ACAN: variants seen among roughly 807,000 people sequenced by gnomAD.
ACAN encodes aggrecan core protein.
In ACAN, 47 loss-of-function variants were observed where a neutral mutation model predicts 169.1. The observed-to-expected ratio is 0.28, with a 90% CI of 0.22 to 0.35. The LOEUF is 0.35. ACAN is among the 10% of genes least tolerant of loss of function. ACAN has a pLI of 1.00. For synonymous variants in ACAN, 1,115 were observed against 1,112.2 expected, an observed-to-expected ratio of 1.00 and a Z score of -0.05; for missense variants, 2,716 against 2,759.9, an observed-to-expected ratio of 0.98 and a Z score of 0.36.
chr15:88,822,910 T>C (rs925294196), intron 1 of ACAN, among the ~76,000 whole-genome samples: 1 of 152,208 alleles, frequency 6.6e-6, no homozygotes, highest in African/African-American at 2.4e-5. Flanking sequence ...ACTGAAAGGA[T>C]TGGACTAGTC....
At chr15:88,844,661 C>G (rs754219831) in intron 6 of ACAN, among the ~76,000 whole-genome samples, 3 of 152,160 alleles carry the variant, frequency 2.0e-5, no homozygotes, top group Non-Finnish European at 4.4e-5. Flanking sequence ...GCGTGAGCCA[C>G]CACGCCCGGC....
At chr15:88,806,993 A>G (rs1895699079) in intron 1 of ACAN, among the ~76,000 whole-genome samples, 1 of 152,190 alleles carries the variant, frequency 6.6e-6, no homozygotes, top group Non-Finnish European at 1.5e-5. Flanking sequence ...ATAAATGTAT[A>G]TATGCAAATA....
At chr15:88,841,207 C>G (rs1441693261) in intron 4 of ACAN, among the ~76,000 whole-genome samples, 1 of 152,226 alleles carries the variant, frequency 6.6e-6, no homozygotes, top group African/African-American at 2.4e-5. Context: ...TGACTGTGGA[C>G]AAATGATTTA....
Position 88,848,104 on chromosome 15 carries a change from C to G in ACAN, c.1732+66C>G. The stretch of plus-strand genomic sequence containing the variant: ...GGGGGTGGGCAGGGAGCTGACAGGG[C>G]GATACAAAGAAGAGAGGGGGTTACC... On this transcript the variant is annotated intron_variant, in intron 9 of 18. Transcript: ENST00000560601. 2.5e-6 allele frequency: 4 copies of G among 1,581,664 alleles called. No homozygotes were observed. In the South Asian group the frequency reaches 3.4e-5, roughly 14 times the overall value.
intron 1 of ACAN, among the ~76,000 whole-genome samples, chr15:88,832,676 A>T (rs1896394314): frequency 6.6e-6 from 1 of 152,152 alleles, no homozygotes; most frequent in Non-Finnish European, 1.5e-5. Context: ...CTATTTTCCA[A>T]ATATTTGGTA....
At chr15:88,860,919 A>G (rs1030114830) in intron 13 of ACAN, among the ~76,000 whole-genome samples, 1 of 152,122 alleles carries the variant, frequency 6.6e-6, no homozygotes, top group African/African-American at 2.4e-5. Context: ...GAAATGACAC[A>G]AACAACGGTA....
In ACAN at chr15:88,858,786, T is replaced by G. The variant is rs1179034898; in HGVS notation, c.6201T>G (p.Phe2067Leu). Residue 2067 changes from phenylalanine to leucine, a missense_variant, in exon 12 of 19, where the codon TTT becomes TTG. Physicochemically the swap from Phe to Leu is conservative, Grantham distance 22 (BLOSUM62 0). Around this residue, in one of 3 missense-constraint regions of ACAN, gnomAD observed 1,389 missense variants for 1,363.7 expected, o/e 1.02. Coordinates refer to ENST00000560601, the MANE Select transcript of ACAN (RefSeq NM_001369268.1). The surrounding 1 kb of genome is among the most constrained non-coding windows in gnomAD (Gnocchi z 4.0). ...RPPVTHTPQL[F>L]ESSGKVSTAG... is the part of the protein sequence containing the mutation. Reference sequence around the variant, plus strand: ...CTGTGACACACACACCCCAGCTTTTTGAGTCCAGTGGAAAAGTCTCCACAG... The same window carrying G: ...CTGTGACACACACACCCCAGCTTTTGGAGTCCAGTGGAAAAGTCTCCACAG... 1 of 1,613,790 alleles carries G rather than the reference T, an allele frequency of 6.2e-7. No homozygotes were observed. The highest frequency in any genetic ancestry group is 8.5e-7 in the Non-Finnish European group (1 of 1,179,876).
At chr15:88,815,030 G>GA (rs11300352) in intron 1 of ACAN, among the ~76,000 whole-genome samples, 472 of 120,054 alleles carry the variant, frequency 3.9e-3, no homozygotes, top group Middle Eastern at 4.0e-3. Flanking sequence ...GTGGACCCCA[G>GA]AAAAAAAAAA....
At position 88,849,554 on chromosome 15, in the gene ACAN, C is replaced by T. The variant is rs776144534; in HGVS notation, c.1849C>T (p.Arg617Cys). 16 of 1,605,796 alleles carry T rather than the reference C, an allele frequency of 1.0e-5. No homozygotes were observed. The highest frequency in any genetic ancestry group is 1.3e-5 in the African/African-American group (1 of 74,766). ...GGGCCAGCTCTACGCCGCCTGGAGC[C>T]GCGGCCTGGACAAGTGCTATGCCGG... is the stretch of plus-strand genomic sequence containing the variant. The part of the protein sequence containing the change: ...TTGQLYAAWS[R>C]GLDKCYAGWL... Residue 617 changes from arginine to cysteine, a missense_variant, in exon 10 of 19, where the codon CGC becomes TGC. Coordinates refer to ENST00000560601, the MANE Select transcript of ACAN (RefSeq NM_001369268.1). This position sits in a 1 kb window ranked among gnomAD's most constrained non-coding sequence, Gnocchi z 5.1.
chr15:88,841,861 A>T lies in ACAN; in HGVS notation c.751A>T (p.Met251Leu). 6.2e-7 allele frequency: 1 copy of T among 1,611,260 alleles called. No homozygotes were observed. The highest frequency in any genetic ancestry group is 1.1e-5 in the South Asian group (1 of 90,844). Residue 251 changes from methionine (M) to leucine (L), a missense_variant, in exon 5 of 19, where the codon ATG becomes TTG. Around this residue, in one of 3 missense-constraint regions of ACAN, gnomAD observed 1,283 missense variants for 1,281.5 expected, o/e 1.00. Transcript: ENST00000560601. Reference sequence around the variant, plus strand: ...TGATGTGTACTGCTTCGCCGAGGAGATGGAGGGTGAGCTGCCCTGCCCACC... The same window carrying T: ...TGATGTGTACTGCTTCGCCGAGGAGTTGGAGGGTGAGCTGCCCTGCCCACC... ...TYDVYCFAEE[M>L]EGEVFYATSP... is the part of the protein sequence containing the mutation.
chr15:88,817,300 C>A (rs1567165333), intron 1 of ACAN, among the ~76,000 whole-genome samples: 1 of 152,120 alleles, frequency 6.6e-6, no homozygotes, highest in East Asian at 1.9e-4. Context: ...TGCCACCACG[C>A]CCGACTAATT....
rs1896835757 is a variant in ACAN, at chr15:88,847,939, T to A, written c.1633T>A (p.Cys545Ser). The change falls in exon 9 of 19, where the codon TGC (cysteine) becomes AGC (serine). Residue 545 changes from cysteine (C) to serine (S), a missense_variant. Cys to Ser is a moderately radical substitution (Grantham distance 112). Transcript: ENST00000560601. Reference sequence around the variant, plus strand: ...CCCCATTGTGAGCCCCCGGACCCCATGCGTGGGTGACAAGGACAGCAGCCC... The same window carrying A: ...CCCCATTGTGAGCCCCCGGACCCCAAGCGTGGGTGACAAGGACAGCAGCCC... ...RYPIVSPRTP[C>S]VGDKDSSPGV... 1 of 1,613,696 alleles carries A rather than the reference T, an allele frequency of 6.2e-7. No individual in the cohort carries two copies. Among genetic ancestry groups the A allele is most frequent in the African/African-American group, 1.3e-5 (1 of 74,888 alleles).
intron 13 of ACAN, among the ~76,000 whole-genome samples, chr15:88,862,997 CAAAAAAAAAAAA>C (rs57598410): frequency 1.4e-5 from 1 of 73,808 alleles, no homozygotes; most frequent in African/African-American, 4.5e-5. Context: ...CACTCGGTCT[CAAAAAAAAAAAA>C]AAAAAAAAGA....
intron 11 of ACAN, among the ~76,000 whole-genome samples, chr15:88,854,441 T>A (rs1897001909): frequency 6.6e-6 from 1 of 152,102 alleles, no homozygotes; most frequent in Admixed American, 6.5e-5. Flanking sequence ...ATCAATGAGA[T>A]GGTAATGTGG....
Position 88,859,290 on chromosome 15 carries a change from A to C in ACAN, c.6705A>C (p.Glu2235Asp). Reference sequence around the variant, plus strand: ...AGCGCCCTGCAGAGACGCATCTAGAAATTGAGTCCTCAAGCCTCCTGTACT... The same window carrying C: ...AGCGCCCTGCAGAGACGCATCTAGACATTGAGTCCTCAAGCCTCCTGTACT... ...QTQRPAETHL[E>D]IESSSLLYSG... Residue 2235 changes from glutamate (E) to aspartate (D), a missense_variant, in exon 12 of 19, where the codon GAA becomes GAC. By Grantham distance (45) the Glu-to-Asp change is conservative. Transcript: ENST00000560601. 6.2e-7 allele frequency: 1 copy of C among 1,613,574 alleles called. No homozygotes were observed. Among genetic ancestry groups the C allele is most frequent in the Non-Finnish European group, 8.5e-7 (1 of 1,179,694 alleles).
rs746056428 is a variant in ACAN, at chr15:88,841,772, A to G, written c.662A>G (p.Tyr221Cys). 9.9e-6 allele frequency: 16 copies of G among 1,613,270 alleles called. No individual in the cohort carries two copies. The highest frequency in any genetic ancestry group is 5.4e-5 in the African/African-American group (4 of 74,724). ...YPIHTPREGC[Y>C]GDKDEFPGVR... ...ATCCACACTCCCCGGGAAGGCTGCT[A>G]TGGAGACAAGGATGAGTTTCCTGGT... Residue 221 changes from tyrosine to cysteine, a missense_variant, in exon 5 of 19, where the codon TAT becomes TGT. Coordinates refer to ENST00000560601, the MANE Select transcript of ACAN (RefSeq NM_001369268.1).
intron 5 of ACAN, among the ~76,000 whole-genome samples, chr15:88,842,172 T>C (rs542251644): frequency 2.6e-5 from 4 of 152,326 alleles, no homozygotes; most frequent in Non-Finnish European, 5.9e-5. Context: ...AGACCCTGGC[T>C]GCTGTGACAA....
In ACAN at chr15:88,857,703, T is replaced by G; in HGVS notation, c.5118T>G (p.Ala1706=). The change falls in exon 12 of 19, where the codon GCT becomes GCG. Residue 1706 remains alanine (A), a synonymous_variant. Coordinates refer to ENST00000560601, the MANE Select transcript of ACAN (RefSeq NM_001369268.1). ...GTGAGCTGGACATTAGTGGGAGAGCTAGTGGACTCCCTTCAGGAACTGAAC... is the reference window on the plus strand; with the variant it reads ...GTGAGCTGGACATTAGTGGGAGAGCGAGTGGACTCCCTTCAGGAACTGAAC... The part of the protein sequence containing the change: ...PSSELDISGR[A]SGLPSGTELS... The G allele has an allele frequency of 6.2e-7, 1 of 1,614,004 alleles. No individual in the cohort carries two copies. The highest frequency in any genetic ancestry group is 8.5e-7 in the Non-Finnish European group (1 of 1,179,896).
chr15:88,857,149 G>A lies in ACAN; in HGVS notation c.4564G>A (p.Val1522Ile). The A allele has an allele frequency of 6.2e-7, 1 of 1,612,398 alleles. No individual in the cohort carries two copies. Among genetic ancestry groups the A allele is most frequent in the African/African-American group, 1.3e-5 (1 of 74,994 alleles). Residue 1522 changes from valine (V) to isoleucine (I), a missense_variant, in exon 12 of 19, where the codon GTA (valine) becomes ATA (isoleucine). This residue lies in a region of ACAN where 1,389 missense variants were observed against 1,363.7 expected (regional missense o/e 1.02). Coordinates refer to ENST00000560601, the MANE Select transcript of ACAN (RefSeq NM_001369268.1). ...GEGLETSASG[V>I]EDLSRLPSGE... ...AGGTCTAGAGACCTCTGCTTCTGGA[G>A]TAGAGGACCTCAGCAGGCTCCCTTC...
Sources: allele counts gnomAD v4.1 joint callset (sites outside exome capture counted in the v4.1 genomes callset), GRCh38; gene constraint gnomAD v4.1.1; regional missense constraint gnomAD v4.1.1; non-coding constraint Gnocchi (gnomAD v3.1); transcripts MANE v1.5; gene names NCBI Gene and HGNC (gene_info 2026-07-23, HGNC 2026-07-21).